Variants in HEATR4 observed in about 807,000 individuals in gnomAD.
The protein encoded by HEATR4 is HEAT repeat-containing protein 4.
HEATR4 carries 95 observed loss-of-function variants against 108.8 expected under a neutral mutation model. The observed-to-expected ratio is 0.87, with a 90% confidence interval of 0.74 to 1.04. The LOEUF is 1.04. HEATR4 is among the 50% of genes least tolerant of loss of function. The pLI is 0.00. For synonymous variants in HEATR4, 443 were observed against 459.4 expected (o/e 0.96, Z 0.46); for missense variants, 1,152 against 1,253.8 (o/e 0.92, Z 1.23).
At chr14:73,617,230 G>T in the HEATR4 span, 1 of 1,613,872 alleles carries the variant, frequency 6.2e-7, no homozygotes, top group African/African-American at 1.3e-5. Flanking sequence ...GAAGAGAGGG[G>T]ATAGAGCTGA....
intron 9 of HEATR4, 74 bp from the exon 10 acceptor site, chr14:73,506,645 GAAAT>G: frequency 8.7e-7 from 1 of 1,151,080 alleles, no homozygotes; most frequent in Admixed American, 1.7e-5. Flanking sequence ...GTTACATTCT[GAAAT>G]GGCATCCTGC....
rs781524360 is a variant in HEATR4 at position 73,522,301 on chromosome 14, C to T, written c.852G>A (p.Lys284=). The T allele has an allele frequency of 6.2e-7, 1 of 1,608,926 alleles. No individual in the cohort carries two copies. Among genetic ancestry groups the T allele is most frequent in the Non-Finnish European group, 8.5e-7 (1 of 1,179,472 alleles). ...SVILPPQEKK[K]PELLLPVYYR... ...AGTAAACGGGAAGCAGCAGTTCTGGCTTCTTCTTTTCCTGTGGGGGCAGGA... is the reference window on the plus strand; with the variant it reads ...AGTAAACGGGAAGCAGCAGTTCTGGTTTCTTCTTTTCCTGTGGGGGCAGGA... The change falls in exon 3 of 18, where the codon AAG becomes AAA. Residue 284 remains lysine, a synonymous_variant. Transcript: ENST00000553558.
chr14:73,587,223 C>T, the HEATR4 span, among the ~76,000 whole-genome samples: 4 of 151,906 alleles, frequency 2.6e-5, no homozygotes, highest in East Asian at 3.9e-4. Context: ...GCATTAGCTT[C>T]GGGGTGTCAA....
chr14:73,575,827 C>A, the HEATR4 span, among the ~76,000 whole-genome samples: 87 of 151,866 alleles, frequency 5.7e-4, 1 homozygote, highest in South Asian at 4.2e-3. Context: ...GTGTCTGGTA[C>A]GTAAATGGAG....
At chr14:73,515,004 G>A (rs1262708225) in intron 5 of HEATR4, among the ~76,000 whole-genome samples, 2 of 151,182 alleles carry the variant, frequency 1.3e-5, no homozygotes, top group Non-Finnish European at 2.9e-5. Context: ...AGAGGCGGAG[G>A]TTGCAGTGAG....
Position 73,521,043 on chromosome 14 carries a change from G to T in HEATR4, c.882-4C>A. On this transcript the variant is annotated splice_region_variant and splice_polypyrimidine_tract_variant and intron_variant, in intron 3 of 17. Transcript: ENST00000553558. Reference sequence around the variant, plus strand: ...TTGTTGGAAGTAACTGGGCAATCTTGGCAGGGGTGAGAAAGGAGGGAAAAG... The same window carrying T: ...TTGTTGGAAGTAACTGGGCAATCTTTGCAGGGGTGAGAAAGGAGGGAAAAG... The T allele has an allele frequency of 6.2e-7, 1 of 1,612,394 alleles. No homozygotes were observed. Among genetic ancestry groups the T allele is most frequent in the Non-Finnish European group, 8.5e-7 (1 of 1,178,934 alleles).
At chr14:73,483,335 ATTTG>A (rs1185964034) in intron 17 of HEATR4, among the ~76,000 whole-genome samples, 1 of 152,058 alleles carries the variant, frequency 6.6e-6, no homozygotes, top group Non-Finnish European at 1.5e-5. Flanking sequence ...GGTGTTTTTT[ATTTG>A]TTTGTTTGTT....
the HEATR4 span, among the ~76,000 whole-genome samples, chr14:73,589,716 T>C: frequency 1.3e-5 from 2 of 152,194 alleles, no homozygotes; most frequent in African/African-American, 2.4e-5. Flanking sequence ...GTTTCCAGAC[T>C]GGTCTTGGTC....
At chr14:73,480,603 C>G (rs543217421) in intron 17 of HEATR4, among the ~76,000 whole-genome samples, 1 of 151,930 alleles carries the variant, frequency 6.6e-6, no homozygotes, top group African/African-American at 2.4e-5. Context: ...TAAGTCTGAC[C>G]TGTACATGAA....
At chr14:73,612,307 T>C in the HEATR4 span, among the ~76,000 whole-genome samples, 3 of 152,112 alleles carry the variant, frequency 2.0e-5, no homozygotes, top group Non-Finnish European at 4.4e-5. Context: ...CTCCCAAAGT[T>C]CTAGGATCAC....
chr14:73,592,848 G>A, the HEATR4 span, among the ~76,000 whole-genome samples: 2 of 152,198 alleles, frequency 1.3e-5, no homozygotes, highest in East Asian at 1.9e-4. Flanking sequence ...GCGAGACTCC[G>A]TCTCAAAAAA....
chr14:73,506,894 G>A (rs1049091147), intron 9 of HEATR4, among the ~76,000 whole-genome samples: 4 of 141,328 alleles, frequency 2.8e-5, no homozygotes, highest in Non-Finnish European at 6.0e-5. Flanking sequence ...TCCGCCTCTC[G>A]GGTTCAAGTG....
At chr14:73,500,087 A>G (rs1454412808) in intron 12 of HEATR4, among the ~76,000 whole-genome samples, 1 of 152,094 alleles carries the variant, frequency 6.6e-6, no homozygotes, top group African/African-American at 2.4e-5. Flanking sequence ...AAAATTAGCC[A>G]GGTGTGGTGG....
rs192402574 is a variant in HEATR4, at chr14:73,479,669, A to G, written c.2845-827T>C. Among the ~76,000 whole-genome samples the G allele has an allele frequency of 8.2e-4, 124 of 151,464 alleles. 1 individual carries two copies. The highest frequency in any genetic ancestry group is 2.8e-3 in the African/African-American group (117 of 41,242). On this transcript the variant is annotated intron_variant, in intron 17 of 17. Transcript: ENST00000553558. ...GCCAGGCTGGTCTCGAACTCAGGTG[A>G]TCCGCCGGCCTCGGCCTCCCAAAGT...
At chr14:73,526,199 A>T (rs1267604597) in intron 2 of HEATR4, among the ~76,000 whole-genome samples, 1 of 152,148 alleles carries the variant, frequency 6.6e-6, no homozygotes, top group African/African-American at 2.4e-5. Flanking sequence ...GCACAGCACT[A>T]CACTGAGCAG....
At chr14:73,598,404 AAG>A in the HEATR4 span, among the ~76,000 whole-genome samples, 5 of 150,864 alleles carry the variant, frequency 3.3e-5, no homozygotes, top group African/African-American at 7.3e-5. Context: ...AAAAAAAAAA[AAG>A]AGAGAGATGG....
In HEATR4 at chr14:73,512,085, G is replaced by C; in HGVS notation, c.1479C>G (p.Asp493Glu). 1.2e-6 allele frequency: 2 copies of C among 1,614,146 alleles called. No homozygotes were observed. Among genetic ancestry groups the C allele is most frequent in the Non-Finnish European group, 1.7e-6 (2 of 1,180,012 alleles). ...LLQSLGDLHD[D>E]VRIKAITTCA... ...ATGTGGTGATAGCTTTGATCCGAAC[G>C]TCATCATGCAGGTCTCCCAAGCTCT... Residue 493 changes from aspartate (D) to glutamate (E), a missense_variant, in exon 7 of 18, where the codon GAC (aspartate) becomes GAG (glutamate). By Grantham distance (45) the Asp-to-Glu change is conservative. Coordinates refer to ENST00000553558, the MANE Select transcript of HEATR4 (RefSeq NM_001220484.1).
chr14:73,505,706 A>G (rs1255565182), intron 10 of HEATR4, among the ~76,000 whole-genome samples: 1 of 150,576 alleles, frequency 6.6e-6, no homozygotes, highest in African/African-American at 2.4e-5. Context: ...ACTATGTTTT[A>G]TATGTGTGTG....
the HEATR4 span, chr14:73,567,686 C>G: frequency 6.6e-6 from 1 of 152,036 alleles, no homozygotes; most frequent in Non-Finnish European, 1.5e-5. Flanking sequence ...ATAAACCTTG[C>G]TACTGCTCCT....
Sources: allele counts gnomAD v4.1 joint callset (sites outside exome capture counted in the v4.1 genomes callset), GRCh38; gene constraint gnomAD v4.1.1; transcripts MANE v1.5; gene names NCBI Gene and HGNC (gene_info 2026-07-23, HGNC 2026-07-21).